LAMA2: variants seen among roughly 807,000 people sequenced by gnomAD.
The protein encoded by LAMA2 is laminin subunit alpha 2.
Under a neutral mutation model 364.8 loss-of-function variants are expected in LAMA2, and 269 were observed. The observed-to-expected ratio is 0.74, with a 90% confidence interval of 0.67 to 0.82. The LOEUF (loss-of-function observed/expected upper bound fraction) is 0.82. Ranked by LOEUF, LAMA2 falls within the 40% of genes least tolerant of loss-of-function variation. LAMA2 has a pLI of 0.00. For missense variants in LAMA2, 3,807 were observed against 3,873.2 expected, an observed-to-expected ratio of 0.98 and a Z score of 0.45; for synonymous variants, 1,379 against 1,370.6, an observed-to-expected ratio of 1.01 and a Z score of -0.14.
rs1782330731 is a variant in LAMA2 at position 129,445,654 on chromosome 6, T to A, written c.6275-13T>A. On this transcript the variant is annotated splice_polypyrimidine_tract_variant and intron_variant, in intron 44 of 64. Coordinates refer to ENST00000421865, the MANE Select transcript of LAMA2 (RefSeq NM_000426.4). Reference sequence around the variant, plus strand: ...GCATGCATATACATGCACACTAATTTTGTTCTATGCAGTTGCCGATGCAGA... The same window carrying A: ...GCATGCATATACATGCACACTAATTATGTTCTATGCAGTTGCCGATGCAGA... 1.2e-6 allele frequency: 2 copies of A among 1,613,082 alleles called. No individual in the cohort carries two copies. Among genetic ancestry groups the A allele is most frequent in the African/African-American group, 2.7e-5 (2 of 74,914 alleles).
intron 20 of LAMA2, among the ~76,000 whole-genome samples, chr6:129,295,272 A>G (rs1773091427): frequency 8.4e-6 from 1 of 118,964 alleles, no homozygotes; most frequent in South Asian, 3.2e-4. Flanking sequence ...AAGAGTTTAG[A>G]TTTGTAAAGG....
At chr6:129,063,024 C>T (rs959102086) in intron 3 of LAMA2, among the ~76,000 whole-genome samples, 5 of 149,100 alleles carry the variant, frequency 3.4e-5, no homozygotes, top group South Asian at 4.3e-4. Context: ...TTCTTAGATA[C>T]GTATTACTAA....
chr6:129,322,328 A>G (rs1562458041), intron 28 of LAMA2, among the ~76,000 whole-genome samples: 1 of 152,214 alleles, frequency 6.6e-6, no homozygotes, highest in African/African-American at 2.4e-5. Context: ...CAATATACAT[A>G]TGTACACATA....
At chr6:129,284,591 T>C (rs939198649) in intron 18 of LAMA2, among the ~76,000 whole-genome samples, 9 of 152,154 alleles carry the variant, frequency 5.9e-5, no homozygotes, top group African/African-American at 2.2e-4. Context: ...CATTATATTG[T>C]TTCATTGTTT....
intron 29 of LAMA2, among the ~76,000 whole-genome samples, chr6:129,340,740 G>A (rs1477707640): frequency 6.7e-6 from 1 of 150,228 alleles, no homozygotes; most frequent in Non-Finnish European, 1.5e-5. Context: ...GGGAAGGTGA[G>A]GCAGGAGAAT....
intron 64 of LAMA2, among the ~76,000 whole-genome samples, chr6:129,515,190 C>T (rs555002320): frequency 6.6e-6 from 1 of 152,160 alleles, no homozygotes; most frequent in South Asian, 2.1e-4. Context: ...AGCCAAGTGC[C>T]TCTTAATAAG....
At chr6:129,330,931 C>T (rs564131155) in intron 29 of LAMA2, among the ~76,000 whole-genome samples, 8 of 151,760 alleles carry the variant, frequency 5.3e-5, no homozygotes, top group Admixed American at 3.9e-4. Flanking sequence ...TGCAGTGACG[C>T]GATCTCAGCT....
intron 27 of LAMA2, among the ~76,000 whole-genome samples, chr6:129,319,952 A>AAT (rs1774850020): frequency 6.6e-6 from 1 of 151,966 alleles, no homozygotes; most frequent in Non-Finnish European, 1.5e-5. Flanking sequence ...GGCCAACATG[A>AAT]TGAAACCCAG....
intron 40 of LAMA2, among the ~76,000 whole-genome samples, chr6:129,416,076 G>T (rs1295833222): frequency 1.1e-5 from 1 of 89,400 alleles, no homozygotes; most frequent in African/African-American, 5.4e-5. Context: ...AGCCTCCCAA[G>T]TAGCTGGGAC....
intron 12 of LAMA2, among the ~76,000 whole-genome samples, chr6:129,234,965 CTTA>C (rs1429762848): frequency 6.6e-6 from 1 of 152,024 alleles, no homozygotes; most frequent in Admixed American, 6.6e-5. Context: ...TTCACCAGGT[CTTA>C]TTCTAGTTTA....
intron 48 of LAMA2, among the ~76,000 whole-genome samples, chr6:129,458,529 C>G (rs1281400559): frequency 6.6e-6 from 1 of 151,862 alleles, no homozygotes; most frequent in African/African-American, 2.4e-5. Context: ...TCAAATATAG[C>G]TTTTCAGGAT....
intron 24 of LAMA2, 38 bp downstream of exon 24, chr6:129,314,836 G>T: frequency 6.2e-7 from 1 of 1,610,516 alleles, no homozygotes; most frequent in Non-Finnish European, 8.5e-7. Context: ...ATGGTATAAT[G>T]TTAGTTCCTG....
At chr6:129,276,333 G>A (rs1197401096) in intron 17 of LAMA2, among the ~76,000 whole-genome samples, 3 of 152,056 alleles carry the variant, frequency 2.0e-5, no homozygotes, top group Admixed American at 6.6e-5. Context: ...AATGATGGAA[G>A]TTTTAATTTT....
At chr6:129,317,631 C>T (rs1166948822) in intron 27 of LAMA2, among the ~76,000 whole-genome samples, 1 of 152,066 alleles carries the variant, frequency 6.6e-6, no homozygotes, top group East Asian at 1.9e-4. Context: ...ACGCTGTTAT[C>T]TATACTGTTA....
At chr6:129,125,213 A>G (rs1462781084) in intron 4 of LAMA2, among the ~76,000 whole-genome samples, 2 of 152,222 alleles carry the variant, frequency 1.3e-5, no homozygotes, top group Admixed American at 6.5e-5. Context: ...GACTGTGGGC[A>G]TAGCAGGTTT....
chr6:129,342,582 A>T, intron 30 of LAMA2, 115 bp downstream of exon 30: 1 of 978,406 alleles, frequency 1.0e-6, no homozygotes, highest in Non-Finnish European at 1.5e-6. Context: ...AATTTAAGAT[A>T]GAGATATTTT....
chr6:129,130,898 C>A (rs536622069), intron 4 of LAMA2, among the ~76,000 whole-genome samples: 1 of 152,314 alleles, frequency 6.6e-6, no homozygotes, highest in East Asian at 1.9e-4. Context: ...TTGTTGCCAT[C>A]TCTCATTGTG....
chr6:128,916,867 TG>T (rs1229886510), intron 1 of LAMA2, among the ~76,000 whole-genome samples: 1 of 152,192 alleles, frequency 6.6e-6, no homozygotes, highest in Non-Finnish European at 1.5e-5. Flanking sequence ...CTGTTTTAAC[TG>T]GAATGAATTG....
intron 64 of LAMA2, among the ~76,000 whole-genome samples, chr6:129,515,476 A>T (rs1427823436): frequency 2.6e-5 from 4 of 152,198 alleles, no homozygotes; most frequent in Admixed American, 2.6e-4. Flanking sequence ...TCAGTCTATG[A>T]TAATGGGATC....
Sources: allele counts gnomAD v4.1 joint callset (sites outside exome capture counted in the v4.1 genomes callset), GRCh38; gene constraint gnomAD v4.1.1; transcripts MANE v1.5; gene names NCBI Gene and HGNC (gene_info 2026-07-23, HGNC 2026-07-21).